The following MYO16 variants were observed in gnomAD, a reference collection of about 807,000 sequenced individuals.
The protein encoded by MYO16 is myosin XVI, also known as unconventional myosin-XVI.
MYO16 carries 94 observed loss-of-function variants against 205.3 expected under a neutral mutation model. The ratio of observed to expected loss-of-function variants is 0.46; its 90% CI spans 0.39 to 0.54. MYO16 has a LOEUF of 0.54. Ranked by LOEUF, MYO16 falls within the 20% of genes least tolerant of loss-of-function variation. The probability of loss-of-function intolerance (pLI) is 0.00; values close to 1 mark genes in which losing one functional copy is unlikely to be tolerated. For missense variants in MYO16, 2,315 were observed against 2,387.5 expected, an observed-to-expected ratio of 0.97 and a Z score of 0.63; for synonymous variants, 988 against 954.0, an observed-to-expected ratio of 1.04 and a Z score of -0.66.
chr13:108,548,023 A>G, the MYO16 span, among the ~76,000 whole-genome samples: 1 of 152,246 alleles, frequency 6.6e-6, no homozygotes, highest in Admixed American at 6.5e-5. Context: ...AGGTGTTGGG[A>G]AAGTCTCCTA....
At chr13:109,189,377 A>G (rs1203524591) in intron 34 of MYO16, among the ~76,000 whole-genome samples, 2 of 152,214 alleles carry the variant, frequency 1.3e-5, no homozygotes, top group African/African-American at 2.4e-5. Context: ...CACCATTACA[A>G]GGTATATTAG....
chr13:109,177,351 C>T (rs564680701), intron 33 of MYO16, among the ~76,000 whole-genome samples: 26 of 152,252 alleles, frequency 1.7e-4, no homozygotes, highest in African/African-American at 4.3e-4. Context: ...TATTTCTCAG[C>T]GCCTTATGCA....
intron 2 of MYO16, among the ~76,000 whole-genome samples, chr13:108,691,904 A>G (rs1882911353): frequency 6.6e-6 from 1 of 152,172 alleles, no homozygotes; most frequent in Admixed American, 6.6e-5. Flanking sequence ...TCTTTAGGAA[A>G]CAATTCTCTA....
intron 4 of MYO16, among the ~76,000 whole-genome samples, chr13:108,729,515 T>C (rs1169729846): frequency 4.6e-5 from 7 of 152,296 alleles, no homozygotes; most frequent in Admixed American, 2.0e-4. Context: ...TTTTTCTAAA[T>C]ACTTGTTTTA....
At position 108,646,564 on chromosome 13, in the gene MYO16, CT is replaced by C. The variant is rs1387289548; in HGVS notation, c.28+16695del. On this transcript the variant is annotated intron_variant, in intron 1 of 34. Coordinates refer to ENST00000457511, the MANE Select transcript of MYO16 (RefSeq NM_001198950.3). The stretch of plus-strand genomic sequence containing the variant: ...CATCTTTGAATTTCAAAATTTTAGC[CT>C]TTATCAAATTTCAGATCAAAAGGCA... Among the ~76,000 whole-genome samples, 3 of 152,084 alleles carry C rather than the reference CT, an allele frequency of 2.0e-5. No homozygotes were observed. In the East Asian group the frequency reaches 5.8e-4, roughly 29 times the overall value.
the MYO16 span, among the ~76,000 whole-genome samples, chr13:108,586,311 C>T: frequency 6.6e-6 from 1 of 151,914 alleles, no homozygotes; most frequent in Admixed American, 6.6e-5. Flanking sequence ...GAGAAATCAC[C>T]TTTATGTATG....
At chr13:108,609,590 G>A (rs1195088635) in intron 1 of MYO16, among the ~76,000 whole-genome samples, 1 of 152,212 alleles carries the variant, frequency 6.6e-6, no homozygotes, top group Non-Finnish European at 1.5e-5. Flanking sequence ...TCAGCAACAT[G>A]AGCACAGCAG....
intron 16 of MYO16, among the ~76,000 whole-genome samples, chr13:108,911,325 T>C (rs1167980487): frequency 6.6e-6 from 1 of 152,062 alleles, no homozygotes; most frequent in Non-Finnish European, 1.5e-5. Context: ...TGAGGTGATA[T>C]GATGAAAAAT....
At position 108,756,977 on chromosome 13, in the gene MYO16, C is replaced by G. The variant is rs1357085321; in HGVS notation, c.508-28658C>G. Among the ~76,000 whole-genome samples the G allele has an allele frequency of 7.2e-5, 11 of 152,222 alleles. 1 individual carries two copies. In the East Asian group the frequency reaches 1.9e-3, roughly 27 times the overall value. ...GCTGTACTAAAATTTATTCAATAGC[C>G]CTTGGTGTATCTGTTCTTTAAATCA... On this transcript the variant is annotated intron_variant, in intron 4 of 34. Coordinates refer to ENST00000457511, the MANE Select transcript of MYO16 (RefSeq NM_001198950.3).
chr13:108,525,406 C>T, the MYO16 span, among the ~76,000 whole-genome samples: 1 of 152,282 alleles, frequency 6.6e-6, no homozygotes, highest in South Asian at 2.1e-4. Context: ...GTGCTGTGCT[C>T]TGCTCACAGT....
chr13:108,645,746 TA>T (rs11323537), intron 1 of MYO16, among the ~76,000 whole-genome samples: 27,707 of 152,146 alleles, frequency 0.18, 3,850 homozygotes, highest in African/African-American at 0.38. Context: ...AAGGAATGCA[TA>T]ATGGCCTCAG....
chr13:108,619,870 G>A (rs1240680362), intron 1 of MYO16, among the ~76,000 whole-genome samples: 1 of 152,074 alleles, frequency 6.6e-6, no homozygotes. Context: ...CGGTGAGGAA[G>A]GTAGAAAAAA....
At chr13:109,173,953 G>A (rs911394766) in intron 33 of MYO16, among the ~76,000 whole-genome samples, 1 of 147,630 alleles carries the variant, frequency 6.8e-6, no homozygotes, top group African/African-American at 2.5e-5. Flanking sequence ...TTGATGGGGG[G>A]GGGTACTCTC....
At chr13:109,155,010 G>A (rs1426846607) in intron 32 of MYO16, among the ~76,000 whole-genome samples, 4 of 150,434 alleles carry the variant, frequency 2.7e-5, no homozygotes, top group Non-Finnish European at 5.9e-5. Context: ...AGAATAAATG[G>A]GCAAAAAAGG....
At chr13:108,626,985 T>A (rs945465862), upstream of MYO16, among the ~76,000 whole-genome samples, 1 of 146,188 alleles carries the variant, frequency 6.8e-6, no homozygotes. Context: ...ATTATATATA[T>A]ATATGATTGA....
intron 23 of MYO16, among the ~76,000 whole-genome samples, chr13:109,044,598 T>C (rs1886981546): frequency 6.6e-6 from 1 of 152,150 alleles, no homozygotes; most frequent in Non-Finnish European, 1.5e-5. Context: ...TCAACTTCCA[T>C]TAATTTTCTA....
At chr13:108,621,503 C>G (rs1879540331) in intron 1 of MYO16, among the ~76,000 whole-genome samples, 1 of 152,138 alleles carries the variant, frequency 6.6e-6, no homozygotes. Context: ...GATGAAGTCT[C>G]ATGCCATCCA....
chr13:109,067,576 C>A (rs1594516647), intron 27 of MYO16, among the ~76,000 whole-genome samples: 1 of 152,298 alleles, frequency 6.6e-6, no homozygotes, highest in East Asian at 1.9e-4. Flanking sequence ...TCATTAGCAT[C>A]CACCCTCAAT....
At chr13:109,139,382 CT>C (rs2139803098) in intron 31 of MYO16, among the ~76,000 whole-genome samples, 1 of 152,332 alleles carries the variant, frequency 6.6e-6, no homozygotes, top group East Asian at 1.9e-4. Flanking sequence ...CAACCCATAC[CT>C]TATGTCACAC....
Sources: allele counts gnomAD v4.1 joint callset (sites outside exome capture counted in the v4.1 genomes callset), GRCh38; gene constraint gnomAD v4.1.1; transcripts MANE v1.5; gene names NCBI Gene and HGNC (gene_info 2026-07-23, HGNC 2026-07-21).